The following SBF2 variants were observed in gnomAD, a reference collection of about 807,000 sequenced individuals.
The protein encoded by SBF2 is SET binding factor 2.
SBF2 carries 112 observed loss-of-function variants against 225.2 expected under a neutral mutation model. The observed-to-expected ratio is 0.50, with a 90% CI of 0.43 to 0.58. SBF2 has a LOEUF of 0.58. Among genes scored for constraint, SBF2 ranks in the 20% least tolerant of loss-of-function variants. The probability of loss-of-function intolerance (pLI) is 0.00; values close to 1 mark genes in which losing one functional copy is unlikely to be tolerated. For synonymous variants in SBF2, 763 were observed against 773.3 expected, an observed-to-expected ratio of 0.99 and a Z score of 0.22; for missense variants, 1,996 against 2,206.2, an observed-to-expected ratio of 0.90 and a Z score of 1.91.
chr11:10,029,617 A>G (rs764141478), intron 5 of SBF2, 148 bp downstream of exon 5: 1 of 688,678 alleles, frequency 1.5e-6, no homozygotes, highest in Non-Finnish European at 2.6e-6. Context: ...AAAGCAGACC[A>G]TGGGGACAAT....
chr11:10,174,319 A>G (rs1480222706), intron 2 of SBF2, among the ~76,000 whole-genome samples: 2 of 152,222 alleles, frequency 1.3e-5, no homozygotes, highest in African/African-American at 4.8e-5. Context: ...TGCTTAAAGG[A>G]GCTGATGGAG....
At chr11:10,204,444 T>C (rs549821258) in intron 1 of SBF2, among the ~76,000 whole-genome samples, 15 of 151,980 alleles carry the variant, frequency 9.9e-5, no homozygotes, top group African/African-American at 3.6e-4. Flanking sequence ...ATCGAGACCA[T>C]CCTGGCCAAC....
chr11:10,125,128 T>A (rs11042637), intron 2 of SBF2, among the ~76,000 whole-genome samples: 39,557 of 125,926 alleles, frequency 0.31, 6,026 homozygotes, highest in Admixed American at 0.42. Flanking sequence ...AAAAAAAAAA[T>A]TCTACTTAGA....
Position 9,808,170 on chromosome 11 carries a change from G to A in SBF2, c.4273C>T (p.Gln1425Ter). ...DITAQVTSLV[Q>*]LLSDPFYRTL... ...CTATAAAAGGGATCACTGAGTAACT[G>A]AACCAGGGATGTCACCTAGGGCATA... Residue 1425 changes from glutamine (Q) to a stop codon, truncating the protein, a stop_gained, in exon 32 of 40, where the codon CAG becomes TAG. Transcript: ENST00000256190. LOFTEE classifies it high-confidence loss of function. 1 of 1,613,956 alleles carries A rather than the reference G, an allele frequency of 6.2e-7. No homozygotes were observed. Among genetic ancestry groups the A allele is most frequent in the Non-Finnish European group, 8.5e-7 (1 of 1,179,956 alleles).
rs543394762 is a variant in SBF2, at chr11:10,216,664, G to A, written c.56-22677C>T. On this transcript the variant is annotated intron_variant, in intron 1 of 39. Coordinates refer to ENST00000256190, the MANE Select transcript of SBF2 (RefSeq NM_030962.4). ...GCGGGTGGATCACTTGAGGTCAAGA[G>A]TTCGAGACCAGCCTGGCCAACATGA... Among the ~76,000 whole-genome samples, 6 of 152,318 alleles carry A rather than the reference G, an allele frequency of 3.9e-5. No homozygotes were observed. The East Asian group carries it at 1.2e-3, about 29-fold the overall frequency.
intron 2 of SBF2, among the ~76,000 whole-genome samples, chr11:10,156,641 C>T (rs1226998839): frequency 6.6e-6 from 1 of 152,104 alleles, no homozygotes; most frequent in Admixed American, 6.5e-5. Context: ...CACACAGAGC[C>T]AAATCAGGAA....
chr11:10,120,009 G>C (rs1953359208), intron 2 of SBF2, among the ~76,000 whole-genome samples: 1 of 152,144 alleles, frequency 6.6e-6, no homozygotes, highest in African/African-American at 2.4e-5. Flanking sequence ...TGTTAACTAT[G>C]TGTACACTGT....
At chr11:9,809,495 T>C (rs552523822) in intron 30 of SBF2, among the ~76,000 whole-genome samples, 2 of 152,216 alleles carry the variant, frequency 1.3e-5, no homozygotes, top group East Asian at 3.9e-4. Context: ...ATGAATTTTA[T>C]TGGATTTAAA....
chr11:9,919,349 C>T (rs1027980161), intron 16 of SBF2, among the ~76,000 whole-genome samples: 10 of 150,386 alleles, frequency 6.6e-5, no homozygotes, highest in African/African-American at 7.4e-5. Context: ...TGTAGTAGGA[C>T]GAGCCACAGA....
intron 17 of SBF2, among the ~76,000 whole-genome samples, chr11:9,872,007 GATAC>G (rs2134052451): frequency 6.6e-6 from 1 of 152,226 alleles, no homozygotes; most frequent in East Asian, 1.9e-4. Flanking sequence ...ATATTATAAA[GATAC>G]ATGCATGCAT....
At chr11:9,958,653 G>T in intron 16 of SBF2, 1 of 279,282 alleles carries the variant, frequency 3.6e-6, no homozygotes. Flanking sequence ...CATCCTTTCA[G>T]TTACAATTAG....
intron 2 of SBF2, among the ~76,000 whole-genome samples, chr11:10,178,697 G>C (rs1956584144): frequency 1.4e-5 from 2 of 143,658 alleles, no homozygotes. Flanking sequence ...GGAAACAACA[G>C]GTGCTAGAGA....
intron 1 of SBF2, among the ~76,000 whole-genome samples, chr11:10,217,449 AAC>A (rs545408468): frequency 1.3e-5 from 2 of 152,250 alleles, no homozygotes; most frequent in African/African-American, 2.4e-5. Context: ...AGCTTAATAA[AAC>A]AGTTACTAAT....
At chr11:10,099,495 A>G (rs1413919471) in intron 2 of SBF2, among the ~76,000 whole-genome samples, 1 of 152,196 alleles carries the variant, frequency 6.6e-6, no homozygotes, top group South Asian at 2.1e-4. Context: ...TATTCTAATT[A>G]ATAACCTGAA....
chr11:10,139,684 T>G (rs1265650345), intron 2 of SBF2, among the ~76,000 whole-genome samples: 1 of 152,242 alleles, frequency 6.6e-6, no homozygotes, highest in Non-Finnish European at 1.5e-5. Context: ...CTTTATTTAA[T>G]TTTTGTTCAA....
intron 25 of SBF2, 117 bp downstream of exon 25, chr11:9,842,508 A>ATCT: frequency 9.7e-7 from 1 of 1,026,092 alleles, no homozygotes; most frequent in Non-Finnish European, 1.5e-6. Context: ...AAGTGCTTCC[A>ATCT]TCTTCTCATG....
rs368661624 is a variant in SBF2, at chr11:9,871,642, C to T, written c.1930-13246G>A. Among the ~76,000 whole-genome samples the T allele has an allele frequency of 6.6e-5, 10 of 151,940 alleles. No individual in the cohort carries two copies. In the East Asian group the frequency reaches 7.7e-4, roughly 12 times the overall value. ...AAGTAGCTGGGACTACAGGTGACCG[C>T]CACCATGCTCAGCTAATTTATTGTA... On this transcript the variant is annotated intron_variant, in intron 17 of 39. Coordinates refer to ENST00000256190, the MANE Select transcript of SBF2 (RefSeq NM_030962.4).
Position 10,189,568 on chromosome 11 carries a change from T to C in SBF2, c.141+4334A>G, listed in dbSNP as rs536538902. On this transcript the variant is annotated intron_variant, in intron 2 of 39. Coordinates refer to ENST00000256190, the MANE Select transcript of SBF2 (RefSeq NM_030962.4). Reference sequence around the variant, plus strand: ...AATACAAGCTCTTTTTCCTCTCTTCTCCTCAATCTACATTTACAGAAGACT... The same window carrying C: ...AATACAAGCTCTTTTTCCTCTCTTCCCCTCAATCTACATTTACAGAAGACT... Among the ~76,000 whole-genome samples the C allele has an allele frequency of 2.0e-5, 3 of 151,756 alleles. No individual in the cohort carries two copies. In the South Asian group the frequency reaches 6.3e-4, roughly 32 times the overall value.
chr11:9,867,662 T>C (rs1276608653), intron 17 of SBF2, among the ~76,000 whole-genome samples: 1 of 152,208 alleles, frequency 6.6e-6, no homozygotes, highest in Non-Finnish European at 1.5e-5. Context: ...ATGGTATATA[T>C]ACATAGTGGA....
Sources: allele counts gnomAD v4.1 joint callset (sites outside exome capture counted in the v4.1 genomes callset), GRCh38; gene constraint gnomAD v4.1.1; transcripts MANE v1.5; gene names NCBI Gene and HGNC (gene_info 2026-07-23, HGNC 2026-07-21).